The following MAST4 variants were observed in gnomAD, a reference collection of about 807,000 sequenced individuals.
The protein encoded by MAST4 is microtubule-associated serine/threonine-protein kinase 4.
MAST4 carries 89 observed loss-of-function variants against 162.7 expected under a neutral mutation model. The observed-to-expected ratio is 0.55, with a 90% CI of 0.46 to 0.65. The LOEUF (loss-of-function observed/expected upper bound fraction) is 0.65, where lower values mean the gene tolerates loss of function less well. Among genes scored for constraint, MAST4 ranks in the 30% least tolerant of loss-of-function variants. The probability of loss-of-function intolerance (pLI) is 0.00; values close to 1 mark genes in which losing one functional copy is unlikely to be tolerated. For synonymous variants in MAST4, 1,479 were observed against 1,361.1 expected (o/e 1.09, Z -1.91); for missense variants, 3,153 against 3,374.0 (o/e 0.93, Z 1.62).
At chr5:66,807,074 A>C (rs1282246228) in intron 3 of MAST4, among the ~76,000 whole-genome samples, 1 of 152,242 alleles carries the variant, frequency 6.6e-6, no homozygotes, top group African/African-American at 2.4e-5. Flanking sequence ...GCATATAGTC[A>C]TGGGTACATG....
rs7717739 is a variant in MAST4, at chr5:66,904,847, G to A, written c.674+4865G>A. 7.5e-3 allele frequency among the ~76,000 whole-genome samples: 1,135 copies of A among 152,048 alleles called. 18 individuals carry two copies. The highest frequency in any genetic ancestry group is 0.026 in the African/African-American group (1,080 of 41,460). ...GTATATTGCATGACACTAAGGTTTG[G>A]GGTAAAAATGATCCTGACACCCAGG... is the stretch of plus-strand genomic sequence containing the variant. On this transcript the variant is annotated intron_variant, in intron 4 of 28. Coordinates refer to ENST00000403625, the MANE Select transcript of MAST4 (RefSeq NM_001164664.2).
At chr5:67,098,958 A>T (rs1486020606) in intron 7 of MAST4, among the ~76,000 whole-genome samples, 2 of 152,164 alleles carry the variant, frequency 1.3e-5, no homozygotes, top group Non-Finnish European at 1.5e-5. Context: ...ACAGCTTCCC[A>T]TCAGTTCAGT....
chr5:66,666,560 C>T (rs188016268), intron 1 of MAST4, among the ~76,000 whole-genome samples: 1 of 152,304 alleles, frequency 6.6e-6, no homozygotes, highest in East Asian at 1.9e-4. Context: ...CACATTAACT[C>T]TACTATGGCA....
intron 3 of MAST4, among the ~76,000 whole-genome samples, chr5:66,895,064 G>A (rs1762595417): frequency 6.6e-6 from 1 of 152,072 alleles, no homozygotes; most frequent in Non-Finnish European, 1.5e-5. Flanking sequence ...CCTGGGTGTG[G>A]TCATACTTTC....
chr5:66,787,996 T>C (rs1755193692), intron 2 of MAST4, among the ~76,000 whole-genome samples: 2 of 152,216 alleles, frequency 1.3e-5, no homozygotes, highest in Admixed American at 1.3e-4. Context: ...AAGGAAGTAA[T>C]GTAGTGTGAA....
intron 10 of MAST4, among the ~76,000 whole-genome samples, chr5:67,104,788 T>C (rs1462551378): frequency 6.6e-6 from 1 of 152,190 alleles, no homozygotes; most frequent in Non-Finnish European, 1.5e-5. Flanking sequence ...TAATAACCTT[T>C]ACAGGAATCT....
chr5:67,160,564 A>G lies in MAST4; in HGVS notation c.3757A>G (p.Lys1253Glu). 6.2e-7 allele frequency: 1 copy of G among 1,613,710 alleles called. No individual in the cohort carries two copies. The highest frequency in any genetic ancestry group is 8.5e-7 in the Non-Finnish European group (1 of 1,179,734). ...GAGCCGGATGGTGAGGCGGAGCAAG[A>G]AATCCAAGAAGAAAGAAAGTCTCGA... Reference protein sequence around the residue: ...YKSRMVRRSKKSKKKESLERR... With the variant: ...YKSRMVRRSKESKKKESLERR... The change falls in exon 27 of 29, where the codon AAA (lysine) becomes GAA (glutamate). Residue 1253 changes from lysine to glutamate, a missense_variant. Physicochemically the swap from Lys to Glu is moderately conservative, Grantham distance 56 (BLOSUM62 1). This residue lies in a region of MAST4 where 619 missense variants were observed against 744.2 expected (regional missense o/e 0.83). Transcript: ENST00000403625.
chr5:66,939,767 C>A, intron 4 of MAST4, among the ~76,000 whole-genome samples: 1 of 151,300 alleles, frequency 6.6e-6, no homozygotes, highest in East Asian at 1.9e-4. Flanking sequence ...TTCCCCAGAC[C>A]ACTGCCGTAA....
intron 5 of MAST4, among the ~76,000 whole-genome samples, chr5:67,083,261 G>A (rs1762871959): frequency 6.6e-6 from 1 of 152,128 alleles, no homozygotes; most frequent in Non-Finnish European, 1.5e-5. Context: ...AACTTAAAAG[G>A]AAAAGGAAAA....
At chr5:66,637,479 G>C (rs1477592788) in intron 1 of MAST4, among the ~76,000 whole-genome samples, 1 of 151,906 alleles carries the variant, frequency 6.6e-6, no homozygotes, top group Non-Finnish European at 1.5e-5. Flanking sequence ...CCTCCAATGT[G>C]CTTGTGTCCT....
chr5:67,127,927 C>G (rs1286140569), intron 14 of MAST4, among the ~76,000 whole-genome samples: 1 of 152,132 alleles, frequency 6.6e-6, no homozygotes, highest in East Asian at 1.9e-4. Context: ...TGTTGGAAGT[C>G]CTTTTCAAGA....
intron 5 of MAST4, among the ~76,000 whole-genome samples, chr5:67,065,106 G>A (rs7727596): frequency 0.046 from 6,970 of 152,162 alleles, 466 homozygotes; most frequent in African/African-American, 0.15. Flanking sequence ...AAAAGTTTAT[G>A]TATTCAAACT....
chr5:66,948,536 TCAGGG>T (rs1744295345), intron 4 of MAST4, among the ~76,000 whole-genome samples: 1 of 152,086 alleles, frequency 6.6e-6, no homozygotes, highest in Admixed American at 6.6e-5. Flanking sequence ...CCTGTCCTTT[TCAGGG>T]CAGCTTGCAC....
intron 5 of MAST4, among the ~76,000 whole-genome samples, chr5:67,075,998 G>A (rs1023166727): frequency 3.3e-5 from 5 of 152,082 alleles, no homozygotes; most frequent in African/African-American, 1.2e-4. Flanking sequence ...AATTGGTGAT[G>A]TACTCAGGCC....
rs1197537916 is a variant in MAST4, at chr5:66,626,481, A to G, written c.363+29463A>G. Among the ~76,000 whole-genome samples the G allele has an allele frequency of 2.0e-5, 3 of 152,328 alleles. No homozygotes were observed. The East Asian group carries it at 5.8e-4, about 29-fold the overall frequency. ...TACTCTTCCGCTGCACTGTTAGTACATTTAAGTAACATGTAAAATACAGCA... is the reference window on the plus strand; with the variant it reads ...TACTCTTCCGCTGCACTGTTAGTACGTTTAAGTAACATGTAAAATACAGCA... On this transcript the variant is annotated intron_variant, in intron 1 of 28. Coordinates refer to ENST00000403625, the MANE Select transcript of MAST4 (RefSeq NM_001164664.2).
At chr5:66,636,616 C>T (rs1192656946) in intron 1 of MAST4, among the ~76,000 whole-genome samples, 3 of 152,100 alleles carry the variant, frequency 2.0e-5, no homozygotes, top group Non-Finnish European at 2.9e-5. Context: ...AGGCTATGAT[C>T]CCTAAACCCA....
intron 3 of MAST4, among the ~76,000 whole-genome samples, chr5:66,857,951 A>G (rs1759808711): frequency 6.6e-6 from 1 of 151,294 alleles, no homozygotes; most frequent in African/African-American, 2.4e-5. Context: ...TTCTAAATTT[A>G]TTTTTTCATT....
At chr5:66,898,874 T>C (rs1397482587) in intron 3 of MAST4, among the ~76,000 whole-genome samples, 1 of 152,176 alleles carries the variant, frequency 6.6e-6, no homozygotes, top group Non-Finnish European at 1.5e-5. Flanking sequence ...CTGTAAGCTG[T>C]GCTGGAGTAA....
chr5:67,164,416 A>T lies in MAST4; in HGVS notation c.5237A>T (p.His1746Leu). ...AGCCGAGCTTTTGTCAGCAGCACCC[A>T]TGCAGCTCAGATGAGTGCCGTCTCT... is the stretch of plus-strand genomic sequence containing the variant. ...SESRAFVSST[H>L]AAQMSAVSFV... Residue 1746 changes from histidine to leucine, a missense_variant, in exon 29 of 29, where the codon CAT (histidine) becomes CTT (leucine). Around this residue, in one of 7 missense-constraint regions of MAST4, gnomAD observed 1,644 missense variants for 1,495.0 expected, o/e 1.10. Transcript: ENST00000403625. The surrounding 1 kb of genome is among the most constrained non-coding windows in gnomAD (Gnocchi z 5.3). The T allele has an allele frequency of 2.5e-6, 4 of 1,614,044 alleles. No individual in the cohort carries two copies. Among genetic ancestry groups the T allele is most frequent in the Non-Finnish European group, 3.4e-6 (4 of 1,179,898 alleles).
Sources: allele counts gnomAD v4.1 joint callset (sites outside exome capture counted in the v4.1 genomes callset), GRCh38; gene constraint gnomAD v4.1.1; regional missense constraint gnomAD v4.1.1; non-coding constraint Gnocchi (gnomAD v3.1); transcripts MANE v1.5; gene names NCBI Gene and HGNC (gene_info 2026-07-23, HGNC 2026-07-21).